The following LUZP2 variants were observed in gnomAD, a reference collection of about 807,000 sequenced individuals.
The protein encoded by LUZP2 is leucine zipper protein 2.
Under a neutral mutation model 51.6 loss-of-function variants are expected in LUZP2, and 52 were observed. That is an observed-to-expected ratio of 1.01 (90% CI 0.81 to 1.27). The LOEUF is 1.27. LUZP2 is among the 50% of genes most tolerant of loss of function. The pLI is 0.00. For missense variants in LUZP2, 436 were observed against 395.4 expected, an observed-to-expected ratio of 1.10 and a Z score of -0.87; for synonymous variants, 154 against 137.3, an observed-to-expected ratio of 1.12 and a Z score of -0.85.
At chr11:24,677,937 T>C (rs2133863083) in intron 1 of LUZP2, among the ~76,000 whole-genome samples, 1 of 151,948 alleles carries the variant, frequency 6.6e-6, no homozygotes, top group Admixed American at 6.6e-5. Context: ...CTCGGGAGGC[T>C]GAGGCAAGAG....
intron 1 of LUZP2, among the ~76,000 whole-genome samples, chr11:24,702,135 G>A (rs1174729834): frequency 6.6e-6 from 1 of 152,150 alleles, no homozygotes; most frequent in Non-Finnish European, 1.5e-5. Flanking sequence ...ATTCAATTGT[G>A]AATTGTTGGT....
rs1239642491 is a variant in LUZP2, at chr11:25,008,636, C to T, written c.765+25343C>T. ...AGGTCTTTTCCCAGCTGCTTTTCCTCAGGCTCCAGGTTCCTGTCCTGGGAC... is the reference window on the plus strand; with the variant it reads ...AGGTCTTTTCCCAGCTGCTTTTCCTTAGGCTCCAGGTTCCTGTCCTGGGAC... On this transcript the variant is annotated intron_variant, in intron 9 of 11. Transcript: ENST00000336930. Among the ~76,000 whole-genome samples, 8 of 152,280 alleles carry T rather than the reference C, an allele frequency of 5.3e-5. No individual in the cohort carries two copies. In the South Asian group the frequency reaches 6.2e-4, roughly 12 times the overall value.
At chr11:24,946,910 T>C (rs1854916658) in intron 7 of LUZP2, among the ~76,000 whole-genome samples, 1 of 152,044 alleles carries the variant, frequency 6.6e-6, no homozygotes, top group African/African-American at 2.4e-5. Flanking sequence ...ATCTATATAT[T>C]CATATATGCA....
At chr11:24,518,438 T>C (rs546190541) in intron 1 of LUZP2, among the ~76,000 whole-genome samples, 1 of 152,296 alleles carries the variant, frequency 6.6e-6, no homozygotes, top group East Asian at 1.9e-4. Context: ...GATAACAAGC[T>C]ATTTGAGGGT....
At chr11:24,814,211 T>C (rs1015554190) in intron 5 of LUZP2, among the ~76,000 whole-genome samples, 1 of 152,256 alleles carries the variant, frequency 6.6e-6, no homozygotes. Context: ...TAGAGAATAA[T>C]TCTGACACAT....
intron 1 of LUZP2, among the ~76,000 whole-genome samples, chr11:24,659,142 T>C (rs1450402910): frequency 3.9e-5 from 6 of 152,180 alleles, no homozygotes. Context: ...TGTGGCACTA[T>C]TCACAATAGC....
At position 25,078,662 on chromosome 11, in the gene LUZP2, C is replaced by G. The variant is rs1354279842; in HGVS notation, c.*4C>G. 2 of 1,587,794 alleles carry G rather than the reference C, an allele frequency of 1.3e-6. No individual in the cohort carries two copies. The highest frequency in any genetic ancestry group is 2.2e-5 in the East Asian group (1 of 44,550). ...TAGAGAAGAAAAAATACTGTAAATA[C>G]TAAGAAACTGTGTTAAAAACGTCCA... On this transcript the variant is annotated 3_prime_UTR_variant, in exon 12 of 12. Transcript: ENST00000336930.
chr11:24,846,405 C>T (rs2631469), intron 5 of LUZP2, among the ~76,000 whole-genome samples: 22,922 of 151,462 alleles, frequency 0.15, 1,877 homozygotes, highest in African/African-American at 0.2. Flanking sequence ...AATTGAAGAA[C>T]TTAAATTCCC....
At chr11:24,960,219 G>T (rs1185219082) in intron 7 of LUZP2, among the ~76,000 whole-genome samples, 1 of 151,996 alleles carries the variant, frequency 6.6e-6, no homozygotes, top group Non-Finnish European at 1.5e-5. Context: ...CTCTTTTTTT[G>T]TTGTGTCTTT....
At chr11:25,013,890 C>T (rs1017695688) in intron 9 of LUZP2, among the ~76,000 whole-genome samples, 3 of 152,004 alleles carry the variant, frequency 2.0e-5, no homozygotes, top group Non-Finnish European at 4.4e-5. Context: ...CTAATGCTAT[C>T]CCTCCCCTGT....
intron 1 of LUZP2, among the ~76,000 whole-genome samples, chr11:24,658,352 TG>T (rs1855890919): frequency 6.6e-6 from 1 of 152,324 alleles, no homozygotes; most frequent in South Asian, 2.1e-4. Context: ...TAAATGGTGC[TG>T]GGAAAACTGG....
intron 7 of LUZP2, among the ~76,000 whole-genome samples, chr11:24,924,150 T>C (rs1475913460): frequency 1.3e-5 from 2 of 151,494 alleles, no homozygotes; most frequent in Non-Finnish European, 2.9e-5. Context: ...TGATCTCGGC[T>C]CACTGCAACC....
rs1854826931 is a variant in LUZP2 at position 24,943,815 on chromosome 11, T to C, written c.522+29277T>C. On this transcript the variant is annotated intron_variant, in intron 7 of 11. Coordinates refer to ENST00000336930, the MANE Select transcript of LUZP2 (RefSeq NM_001009909.4). ...ACCACTTGAACCCAGGAGGCAGAGG[T>C]TGTAGTGAGCCGAGATTGGGCCACT... Among the ~76,000 whole-genome samples the C allele has an allele frequency of 1.3e-5, 2 of 150,232 alleles. 1 individual carries two copies. Among genetic ancestry groups the C allele is most frequent in the Admixed American group, 1.3e-4 (2 of 14,998 alleles).
chr11:24,763,195 C>A, intron 4 of LUZP2, 51 bp from the exon 5 acceptor site: 5 of 785,872 alleles, frequency 6.4e-6, no homozygotes, highest in South Asian at 5.2e-5. Context: ...ATAATGAAAG[C>A]CATGGTAATG....
intron 1 of LUZP2, among the ~76,000 whole-genome samples, chr11:24,602,227 C>CAT (rs1491168057): frequency 8.9e-6 from 1 of 112,116 alleles, no homozygotes; most frequent in African/African-American, 4.1e-5. Context: ...TATATATGTA[C>CAT]ATATATGTGT....
chr11:24,592,658 C>T lies in LUZP2; in HGVS notation c.62+95353C>T, dbSNP rs1375555708. Among the ~76,000 whole-genome samples, 3 of 148,698 alleles carry T rather than the reference C, an allele frequency of 2.0e-5. No homozygotes were observed. In the East Asian group the frequency reaches 6.0e-4, roughly 30 times the overall value. On this transcript the variant is annotated intron_variant, in intron 1 of 11. Coordinates refer to ENST00000336930, the MANE Select transcript of LUZP2 (RefSeq NM_001009909.4). ...CATTATGCAGCACAGCTTATGTGAT[C>T]CTACTGATGTAATGGATGTGTGTTG...
chr11:25,021,237 C>T (rs1055430224), intron 9 of LUZP2, among the ~76,000 whole-genome samples: 4 of 151,606 alleles, frequency 2.6e-5, no homozygotes, highest in African/African-American at 9.7e-5. Context: ...CAAGCATTCT[C>T]TCAGAGACTT....
chr11:24,756,493 A>G (rs1441589777), intron 4 of LUZP2, among the ~76,000 whole-genome samples: 3 of 152,114 alleles, frequency 2.0e-5, no homozygotes, highest in Admixed American at 6.6e-5. Context: ...GCTCTATACC[A>G]TGGGGGACCA....
At chr11:24,770,536 T>C (rs1291104273) in intron 5 of LUZP2, among the ~76,000 whole-genome samples, 1 of 152,210 alleles carries the variant, frequency 6.6e-6, no homozygotes, top group Non-Finnish European at 1.5e-5. Context: ...CTTCTTCAGC[T>C]CCTGTTATCA....
Sources: gnomAD v4.1 joint callset for allele counts (sites outside exome capture counted in the v4.1 genomes callset) on GRCh38, gnomAD v4.1.1 for gene constraint, MANE v1.5 for transcripts, NCBI Gene and HGNC (gene_info 2026-07-23, HGNC 2026-07-21) for gene names.